PRRG4: variants seen among roughly 807,000 people sequenced by gnomAD.
The protein encoded by PRRG4 is transmembrane gamma-carboxyglutamic acid protein 4.
PRRG4 carries 12 observed loss-of-function variants against 20.0 expected under a neutral mutation model. The observed-to-expected ratio is 0.60, with a 90% CI of 0.38 to 0.97. The LOEUF (loss-of-function observed/expected upper bound fraction) is 0.97, where lower values mean the gene tolerates loss of function less well. Ranked by LOEUF, PRRG4 falls within the 50% of genes least tolerant of loss-of-function variation. PRRG4 has a pLI of 0.00. For missense variants in PRRG4, 199 were observed against 265.1 expected (o/e 0.75, Z 1.73); for synonymous variants, 94 against 96.4 (o/e 0.98, Z 0.15).
rs1851070637 is a variant in PRRG4, at chr11:32,840,809, A to C, written c.449+570A>C. 6.6e-6 allele frequency among the ~76,000 whole-genome samples: 1 copy of C among 152,240 alleles called. No individual in the cohort carries two copies. The highest frequency in any genetic ancestry group is 1.5e-5 in the Non-Finnish European group (1 of 68,038). On this transcript the variant is annotated intron_variant, in intron 5 of 5. Transcript: ENST00000257836. The surrounding 1 kb of genome is among the most constrained non-coding windows in gnomAD (Gnocchi z 4.1). ...TCCTATAGTTTACGCTGAGTCACAG[A>C]GTTAACAGATCCACATGGCTACCCA...
chr11:32,832,198 C>G (rs1009236074), intron 2 of PRRG4, among the ~76,000 whole-genome samples: 1 of 152,068 alleles, frequency 6.6e-6, no homozygotes. Context: ...TGCCAGGCCC[C>G]GTGCTGTGTG....
rs1338220536 is a variant in PRRG4 at position 32,840,822 on chromosome 11, A to G, written c.449+583A>G. On this transcript the variant is annotated intron_variant, in intron 5 of 5. Transcript: ENST00000257836. The surrounding 1 kb of genome is among the most constrained non-coding windows in gnomAD (Gnocchi z 4.1). ...GCTGAGTCACAGAGTTAACAGATCC[A>G]CATGGCTACCCAAATAGAAACAGTG... is the stretch of plus-strand genomic sequence containing the variant. Among the ~76,000 whole-genome samples the G allele has an allele frequency of 6.6e-6, 1 of 152,246 alleles. No individual in the cohort carries two copies. Among genetic ancestry groups the G allele is most frequent in the African/African-American group, 2.4e-5 (1 of 41,470 alleles).
In PRRG4 at chr11:32,854,069, CT is replaced by C. The variant is rs959408952; in HGVS notation, c.*547del. The C allele has an allele frequency of 6.5e-6, 1 of 153,526 alleles. No individual in the cohort carries two copies. Among genetic ancestry groups the C allele is most frequent in the African/African-American group, 2.4e-5 (1 of 41,428 alleles). The allele number at this position is 153,526 out of a possible 1,614,324, so 9.5% of individuals were successfully genotyped here. A position where few individuals can be genotyped will look rare whatever the true frequency, so the allele number is the denominator to read the frequency against. On this transcript the variant is annotated 3_prime_UTR_variant, in exon 6 of 6. Coordinates refer to ENST00000257836, the MANE Select transcript of PRRG4 (RefSeq NM_024081.6). ...TGATCATTATCAGCTTGATAAGAGA[CT>C]TTTTGACTCTATATCCTTGCAGTTA...
At chr11:32,829,889 C>T (rs1384660395), upstream of PRRG4, 5 of 985,408 alleles carry the variant, frequency 5.1e-6, no homozygotes, top group Non-Finnish European at 6.0e-6. Flanking sequence ...GGAGGTGGGG[C>T]GCGGCCAGGT....
intron 2 of PRRG4, among the ~76,000 whole-genome samples, chr11:32,830,896 T>A (rs1469759326): frequency 6.6e-6 from 1 of 152,180 alleles, no homozygotes; most frequent in Non-Finnish European, 1.5e-5. Flanking sequence ...TATTTCAGCT[T>A]CTGAAAATCA....
At chr11:32,830,874 G>C (rs183464334) in intron 2 of PRRG4, among the ~76,000 whole-genome samples, 1 of 152,248 alleles carries the variant, frequency 6.6e-6, no homozygotes, top group African/African-American at 2.4e-5. Flanking sequence ...GTGGTTAATT[G>C]AATGGAAAAC....
At position 32,851,530 on chromosome 11, in the gene PRRG4, C is replaced by T. The variant is rs552364829; in HGVS notation, c.450-1766C>T. Among the ~76,000 whole-genome samples the T allele has an allele frequency of 4.8e-3, 734 of 152,278 alleles. 2 individuals carry two copies. Among genetic ancestry groups the T allele is most frequent in the Non-Finnish European group, 8.5e-3 (576 of 68,022 alleles). Reference sequence around the variant, plus strand: ...CTATTGAAGGGCCAATTATCCAGTTCCTAGATTTACACAGACCTTTTGCTT... The same window carrying T: ...CTATTGAAGGGCCAATTATCCAGTTTCTAGATTTACACAGACCTTTTGCTT... On this transcript the variant is annotated intron_variant, in intron 5 of 5. Transcript: ENST00000257836.
chr11:32,832,133 A>T (rs1850977993), intron 2 of PRRG4, among the ~76,000 whole-genome samples: 1 of 152,248 alleles, frequency 6.6e-6, no homozygotes, highest in Non-Finnish European at 1.5e-5. Context: ...GGGATCCGAC[A>T]CATTTGAAAA....
intron 5 of PRRG4, among the ~76,000 whole-genome samples, chr11:32,847,770 T>C (rs1166686920): frequency 6.6e-6 from 1 of 152,186 alleles, no homozygotes; most frequent in Non-Finnish European, 1.5e-5. Context: ...CAAAATGTGG[T>C]ATATCCATGC....
At chr11:32,852,498 C>A (rs949575092) in intron 5 of PRRG4, among the ~76,000 whole-genome samples, 3 of 152,106 alleles carry the variant, frequency 2.0e-5, no homozygotes, top group Admixed American at 6.6e-5. Context: ...TCTGGAATTG[C>A]GCCACCTTTC....
At chr11:32,851,579 C>G (rs1851183852) in intron 5 of PRRG4, among the ~76,000 whole-genome samples, 1 of 152,166 alleles carries the variant, frequency 6.6e-6, no homozygotes, top group Non-Finnish European at 1.5e-5. Flanking sequence ...CAATTTTTCT[C>G]TCTCCTTCCC....
intron 5 of PRRG4, among the ~76,000 whole-genome samples, chr11:32,843,898 T>A (rs6484603): frequency 0.77 from 116,916 of 152,152 alleles, 45,138 homozygotes; most frequent in East Asian, 0.99. Flanking sequence ...TAGTCTATTT[T>A]TGACTGGCTT....
At chr11:32,841,755 A>G (rs2133444048) in intron 5 of PRRG4, among the ~76,000 whole-genome samples, 1 of 152,202 alleles carries the variant, frequency 6.6e-6, no homozygotes, top group East Asian at 1.9e-4. Flanking sequence ...GGCTGGAGTG[A>G]GCCATAATTG....
In PRRG4 at chr11:32,836,077, C is replaced by T. The variant is rs923390558; in HGVS notation, c.104-581C>T. Among the ~76,000 whole-genome samples the T allele has an allele frequency of 3.3e-5, 5 of 151,734 alleles. No homozygotes were observed. The East Asian group carries it at 7.7e-4, about 23-fold the overall frequency. Reference sequence around the variant, plus strand: ...AGACTGTGCCATTGCACTCCAGGCCCGGTGACAGAGTGAGGCCCCCTCTCA... The same window carrying T: ...AGACTGTGCCATTGCACTCCAGGCCTGGTGACAGAGTGAGGCCCCCTCTCA... On this transcript the variant is annotated intron_variant, in intron 2 of 5. Transcript: ENST00000257836.
At chr11:32,847,227 C>T (rs1380065127) in intron 5 of PRRG4, among the ~76,000 whole-genome samples, 4 of 151,886 alleles carry the variant, frequency 2.6e-5, no homozygotes, top group South Asian at 2.1e-4. Flanking sequence ...CCACTGCACC[C>T]GGCCAAAATA....
chr11:32,853,503 A>T lies in PRRG4; in HGVS notation c.657A>T (p.Lys219Asn), dbSNP rs774200417. 7.4e-6 allele frequency: 12 copies of T among 1,613,584 alleles called. No homozygotes were observed. In the East Asian group the frequency reaches 2.7e-4, roughly 36 times the overall value. The change falls in exon 6 of 6, where the codon AAA becomes AAT. Residue 219 changes from lysine (K) to asparagine (N), a missense_variant. By Grantham distance (94) the Lys-to-Asn change is moderately conservative (BLOSUM62 0). Transcript: ENST00000257836. Reference protein sequence around the residue: ...GHTKGFRVFKKSMSLPSH With the variant: ...GHTKGFRVFKNSMSLPSH Reference sequence around the variant, plus strand: ...CAAAAGGATTTAGGGTATTTAAAAAATCTATGTCTCTCCCATCTCACTGAC... The same window carrying T: ...CAAAAGGATTTAGGGTATTTAAAAATTCTATGTCTCTCCCATCTCACTGAC...
At chr11:32,839,989 G>C in intron 4 of PRRG4, 118 bp from the exon 5 acceptor site, 1 of 614,964 alleles carries the variant, frequency 1.6e-6, no homozygotes, top group Non-Finnish European at 2.6e-6. Context: ...CTTGAAAGAA[G>C]TCAACATCAA....
At chr11:32,836,544 A>C (rs574055523) in intron 2 of PRRG4, 114 bp from the exon 3 acceptor site, 60 of 483,694 alleles carry the variant, frequency 1.2e-4, no homozygotes, top group African/African-American at 1.1e-3. Context: ...TTTACAAAAA[A>C]GTTTGGTATA....
chr11:32,836,862 T>C (rs1483072615), intron 3 of PRRG4, 41 bp downstream of exon 3: 13 of 1,556,210 alleles, frequency 8.4e-6, no homozygotes, highest in Non-Finnish European at 1.1e-5. Flanking sequence ...AAATGTTAAA[T>C]TGTACTTAAG....
Sources: gnomAD v4.1 joint callset for allele counts (sites outside exome capture counted in the v4.1 genomes callset) on GRCh38, gnomAD v4.1.1 for gene constraint, Gnocchi (gnomAD v3.1) non-coding constraint, MANE v1.5 for transcripts, NCBI Gene and HGNC (gene_info 2026-07-23, HGNC 2026-07-21) for gene names.